ERP44: variants seen among roughly 807,000 people sequenced by gnomAD.
The protein encoded by ERP44 is endoplasmic reticulum protein 44.
Under a neutral mutation model 53.4 loss-of-function variants are expected in ERP44, and 25 were observed. The observed-to-expected ratio is 0.47, with a 90% CI of 0.34 to 0.65. ERP44 has a LOEUF of 0.65. ERP44 is among the 30% of genes least tolerant of loss of function. The probability of loss-of-function intolerance (pLI) is 0.01; values close to 1 mark genes in which losing one functional copy is unlikely to be tolerated. For missense variants in ERP44, 338 were observed against 493.2 expected, an observed-to-expected ratio of 0.69 and a Z score of 2.98; for synonymous variants, 145 against 161.2, an observed-to-expected ratio of 0.90 and a Z score of 0.76.
chr9:100,011,929 G>T (rs1019420081), intron 8 of ERP44, among the ~76,000 whole-genome samples: 7 of 152,080 alleles, frequency 4.6e-5, no homozygotes, highest in African/African-American at 1.4e-4. Context: ...TATTCTTACC[G>T]CTGCAGCATC....
At chr9:100,057,745 T>TC in intron 3 of ERP44, 75 bp downstream of exon 3, 1 of 1,091,120 alleles carries the variant, frequency 9.2e-7, no homozygotes, top group Non-Finnish European at 1.4e-6. Flanking sequence ...AGCCTTCCCT[T>TC]CCCCTTTCTA....
intron 1 of ERP44, among the ~76,000 whole-genome samples, chr9:100,069,331 A>C (rs969551539): frequency 4.3e-5 from 5 of 115,424 alleles, no homozygotes; most frequent in Non-Finnish European, 9.4e-5. Context: ...AAAAAAGAAA[A>C]AAGAAAAGAA....
chr9:100,045,836 G>A (rs1380025959), intron 4 of ERP44, among the ~76,000 whole-genome samples: 1 of 152,056 alleles, frequency 6.6e-6, no homozygotes, highest in Non-Finnish European at 1.5e-5. Flanking sequence ...CAGATCTTCT[G>A]CCTAACAAAA....
Position 99,982,603 on chromosome 9 carries a change from T to C in ERP44, c.*9A>G. The C allele has an allele frequency of 6.7e-7, 1 of 1,481,872 alleles. No individual in the cohort carries two copies. The allele number at this position is 1,481,872 out of a possible 1,614,324, so 91.8% of individuals were successfully genotyped here. On this transcript the variant is annotated 3_prime_UTR_variant, in exon 12 of 12. Coordinates refer to ENST00000262455, the MANE Select transcript of ERP44 (RefSeq NM_015051.3). ...CTGTTGAAAGGCTTACAAACTGTTT[T>C]TCAAGTTTTTAAAGCTCATCTCGAT...
chr9:100,072,873 C>T (rs1826321081), intron 1 of ERP44, among the ~76,000 whole-genome samples: 1 of 152,142 alleles, frequency 6.6e-6, no homozygotes, highest in African/African-American at 2.4e-5. Flanking sequence ...GGCAATCTTC[C>T]AAGTCCCTGA....
intron 1 of ERP44, among the ~76,000 whole-genome samples, chr9:100,064,245 C>T (rs976242313): frequency 5.3e-5 from 8 of 152,070 alleles, no homozygotes; most frequent in African/African-American, 1.7e-4. Context: ...TTTTGTATCC[C>T]ACAGATCACT....
At chr9:100,092,724 C>A (rs961330236) in intron 1 of ERP44, among the ~76,000 whole-genome samples, 4 of 152,056 alleles carry the variant, frequency 2.6e-5, no homozygotes, top group African/African-American at 9.7e-5. Flanking sequence ...AACATGCACA[C>A]AAGAAAACAA....
intron 1 of ERP44, among the ~76,000 whole-genome samples, chr9:100,089,095 G>C (rs1482447919): frequency 2.0e-5 from 3 of 152,154 alleles, no homozygotes; most frequent in Non-Finnish European, 4.4e-5. Context: ...GTGTGATGAA[G>C]TCTCATACCA....
chr9:100,074,659 C>T (rs757384323), intron 1 of ERP44, among the ~76,000 whole-genome samples: 9 of 152,152 alleles, frequency 5.9e-5, no homozygotes, highest in Non-Finnish European at 1.3e-4. Flanking sequence ...TCCCATCCTT[C>T]CCCAAGGAGA....
At chr9:100,008,389 T>C (rs1265336653) in intron 8 of ERP44, among the ~76,000 whole-genome samples, 2 of 152,216 alleles carry the variant, frequency 1.3e-5, no homozygotes, top group Non-Finnish European at 2.9e-5. Context: ...ATTGTTGTAA[T>C]TGGAGAATAC....
At chr9:100,013,027 G>T (rs1830491669) in intron 8 of ERP44, among the ~76,000 whole-genome samples, 1 of 152,136 alleles carries the variant, frequency 6.6e-6, no homozygotes, top group African/African-American at 2.4e-5. Context: ...AGGGGGCAAA[G>T]AGCATTCTGG....
At chr9:100,068,190 G>A (rs1462138143) in intron 1 of ERP44, among the ~76,000 whole-genome samples, 9 of 148,976 alleles carry the variant, frequency 6.0e-5, no homozygotes, top group African/African-American at 1.2e-4. Flanking sequence ...CAGCAGCCCC[G>A]TCCGGGAGGG....
At chr9:100,021,915 T>C in intron 5 of ERP44, 127 bp downstream of exon 5, 1 of 784,880 alleles carries the variant, frequency 1.3e-6, no homozygotes, top group Non-Finnish European at 2.0e-6. Context: ...ATTCAACTCA[T>C]TAAGTATACG....
intron 10 of ERP44, among the ~76,000 whole-genome samples, chr9:99,996,059 T>C (rs1298907793): frequency 6.6e-6 from 1 of 152,066 alleles, no homozygotes; most frequent in Admixed American, 6.6e-5. Context: ...GTCTCTTTTA[T>C]AATAGTCATC....
chr9:100,034,666 T>C (rs1040147701), intron 4 of ERP44, among the ~76,000 whole-genome samples: 1 of 152,198 alleles, frequency 6.6e-6, no homozygotes, highest in Non-Finnish European at 1.5e-5. Flanking sequence ...GTAAATTGTT[T>C]TGGGCAGTAT....
chr9:100,053,028 C>T (rs1201115547), intron 3 of ERP44, among the ~76,000 whole-genome samples: 1 of 152,136 alleles, frequency 6.6e-6, no homozygotes, highest in Non-Finnish European at 1.5e-5. Context: ...AGCAATCCTC[C>T]CACCTCAAAA....
At chr9:100,025,702 C>T (rs990616537) in intron 4 of ERP44, among the ~76,000 whole-genome samples, 2 of 152,096 alleles carry the variant, frequency 1.3e-5, no homozygotes, top group Non-Finnish European at 2.9e-5. Flanking sequence ...GATATACTAA[C>T]AGCTTTCATG....
chr9:100,064,417 T>A (rs964919193), intron 1 of ERP44, among the ~76,000 whole-genome samples: 1 of 152,184 alleles, frequency 6.6e-6, no homozygotes, highest in Non-Finnish European at 1.5e-5. Context: ...AACAAACATT[T>A]TAACATGTTT....
chr9:100,018,619 T>C (rs1830551788), intron 6 of ERP44, among the ~76,000 whole-genome samples: 1 of 152,066 alleles, frequency 6.6e-6, no homozygotes, highest in African/African-American at 2.4e-5. Flanking sequence ...CATGGACTAA[T>C]TAAAAAAAAA....
Sources: gnomAD v4.1 joint callset for allele counts (sites outside exome capture counted in the v4.1 genomes callset) on GRCh38, gnomAD v4.1.1 for gene constraint, MANE v1.5 for transcripts, NCBI Gene and HGNC (gene_info 2026-07-23, HGNC 2026-07-21) for gene names.